SMG6: variants seen among roughly 807,000 people sequenced by gnomAD.
The protein encoded by SMG6 is telomerase-binding protein EST1A.
A neutral mutation model predicts 142.2 loss-of-function variants in SMG6; 66 were observed. The observed-to-expected ratio is 0.46, with a 90% CI of 0.38 to 0.57. The LOEUF is 0.57. Among genes scored for constraint, SMG6 ranks in the 20% least tolerant of loss-of-function variants. The pLI is 0.00. For missense variants in SMG6, 1,793 were observed against 1,832.0 expected (o/e 0.98, Z 0.39); for synonymous variants, 779 against 702.4 (o/e 1.11, Z -1.72).
intron 8 of SMG6, among the ~76,000 whole-genome samples, chr17:2,250,800 C>A (rs1567718240): frequency 6.6e-6 from 1 of 152,072 alleles, no homozygotes; most frequent in African/African-American, 2.4e-5. Context: ...AGTAAAACAG[C>A]CAGGACTTTC....
chr17:2,066,616 T>C (rs2067956736), intron 16 of SMG6, among the ~76,000 whole-genome samples: 1 of 145,432 alleles, frequency 6.9e-6, no homozygotes, highest in Non-Finnish European at 1.5e-5. Flanking sequence ...TGTCTGGGTA[T>C]TCGGAGACAC....
At chr17:2,227,259 A>G (rs1272727203) in intron 10 of SMG6, among the ~76,000 whole-genome samples, 4 of 152,214 alleles carry the variant, frequency 2.6e-5, no homozygotes, top group Admixed American at 2.6e-4. Flanking sequence ...ACGTCCACAA[A>G]ATACTTGCAT....
chr17:2,143,876 G>C (rs1175036431), intron 13 of SMG6, among the ~76,000 whole-genome samples: 1 of 151,942 alleles, frequency 6.6e-6, no homozygotes. Flanking sequence ...AACTGTACTG[G>C]GGTATAACTG....
intron 13 of SMG6, among the ~76,000 whole-genome samples, chr17:2,121,467 G>GA (rs761452351): frequency 4.6e-5 from 7 of 152,054 alleles, no homozygotes; most frequent in African/African-American, 7.2e-5. Flanking sequence ...AATCTTGGTG[G>GA]AAAAAATCAG....
chr17:2,247,017 G>A (rs2073942981), intron 8 of SMG6, among the ~76,000 whole-genome samples: 1 of 152,088 alleles, frequency 6.6e-6, no homozygotes, highest in African/African-American at 2.4e-5. Flanking sequence ...AAAATAAATT[G>A]CCCATGGCTA....
In SMG6 at chr17:2,114,079, C is replaced by T. The variant is rs932465545; in HGVS notation, c.3358-28178G>A. On this transcript the variant is annotated intron_variant, in intron 13 of 18. Coordinates refer to ENST00000263073, the MANE Select transcript of SMG6 (RefSeq NM_017575.5). The stretch of plus-strand genomic sequence containing the variant: ...GGTCAGGAGTTCAAGACCAGCCTGG[C>T]CAACATGGCGAAACCCCGTCTCTAC... Among the ~76,000 whole-genome samples the T allele has an allele frequency of 6.3e-4, 96 of 152,092 alleles. 2 individuals are homozygous for T. Among genetic ancestry groups the T allele is most frequent in the Non-Finnish European group, 1.0e-4 (7 of 68,026 alleles).
At chr17:2,106,464 C>T (rs1277461480) in intron 13 of SMG6, among the ~76,000 whole-genome samples, 2 of 152,088 alleles carry the variant, frequency 1.3e-5, no homozygotes, top group Admixed American at 1.3e-4. Context: ...TACCATTCCT[C>T]GGTGACCTCA....
chr17:2,218,240 G>C (rs139724474), intron 10 of SMG6, among the ~76,000 whole-genome samples: 2 of 151,766 alleles, frequency 1.3e-5, no homozygotes, highest in African/African-American at 4.8e-5. Context: ...CAATTCATTC[G>C]TTAGTAAAAA....
chr17:2,302,870 C>T, intron 1 of SMG6: 1 of 704,446 alleles, frequency 1.4e-6, no homozygotes, highest in Non-Finnish European at 1.7e-6. Context: ...GAGAAAATAG[C>T]CTTAATAATC....
In SMG6 at chr17:2,302,781, G is replaced by T. The variant is rs1213052132; in HGVS notation, c.88+852C>A. Among the ~76,000 whole-genome samples the T allele has an allele frequency of 7.0e-4, 106 of 150,540 alleles. 1 individual carries two copies. Among genetic ancestry groups the T allele is most frequent in the Non-Finnish European group, 5.9e-5 (4 of 67,586 alleles). ...GATAAAGCAGTTTAACCCAAGAATA[G>T]CTCACCCTCGGCAGTCTGTAACTTG... On this transcript the variant is annotated intron_variant, in intron 1 of 18. Coordinates refer to ENST00000263073, the MANE Select transcript of SMG6 (RefSeq NM_017575.5).
intron 13 of SMG6, among the ~76,000 whole-genome samples, chr17:2,138,574 C>T (rs2151566901): frequency 6.6e-6 from 1 of 152,206 alleles, no homozygotes; most frequent in South Asian, 2.1e-4. Flanking sequence ...ATGCTTTAAC[C>T]CTAGCAGCAT....
In SMG6 at chr17:2,277,417, T is replaced by C. The variant is rs1175966585; in HGVS notation, c.2661+5230A>G. ...TCCTGACCTCGTGATCCGCCCGCGT[T>C]GGCCTCCTAAAGAGCTGGGATTACA... On this transcript the variant is annotated intron_variant, in intron 8 of 18. Transcript: ENST00000263073. Among the ~76,000 whole-genome samples the C allele has an allele frequency of 7.2e-5, 11 of 152,046 alleles. No homozygotes were observed. In the East Asian group the frequency reaches 1.4e-3, roughly 19 times the overall value.
chr17:2,076,435 A>T (rs1389875304), intron 15 of SMG6, among the ~76,000 whole-genome samples: 2 of 152,072 alleles, frequency 1.3e-5, no homozygotes, highest in East Asian at 3.9e-4. Flanking sequence ...TTCCCCCCTT[A>T]AATTAAACAA....
At chr17:2,131,769 A>G (rs2070129467) in intron 13 of SMG6, among the ~76,000 whole-genome samples, 1 of 152,232 alleles carries the variant, frequency 6.6e-6, no homozygotes, top group Non-Finnish European at 1.5e-5. Context: ...CAAATCAATA[A>G]AAACCAACCA....
At chr17:2,210,286 CTTT>C (rs772849830) in intron 10 of SMG6, among the ~76,000 whole-genome samples, 1 of 137,268 alleles carries the variant, frequency 7.3e-6, no homozygotes. Context: ...CTTTTCTTTT[CTTT>C]TTTTTTTTTT....
chr17:2,153,882 C>T (rs555820359), intron 13 of SMG6, among the ~76,000 whole-genome samples: 84 of 112,620 alleles, frequency 7.5e-4, no homozygotes, highest in Non-Finnish European at 1.3e-3. Context: ...TGTGCGGTGA[C>T]GGGGGAACCT....
At chr17:2,264,946 C>G (rs1264729349) in intron 8 of SMG6, among the ~76,000 whole-genome samples, 1 of 151,866 alleles carries the variant, frequency 6.6e-6, no homozygotes, top group African/African-American at 2.4e-5. Context: ...TTCCACCCTA[C>G]TGAAAACTCT....
chr17:2,268,364 C>T (rs548927396), intron 8 of SMG6, among the ~76,000 whole-genome samples: 4 of 152,234 alleles, frequency 2.6e-5, no homozygotes, highest in South Asian at 2.1e-4. Flanking sequence ...AATTGTTTTG[C>T]GGGGAGGGTG....
At chr17:2,180,357 C>T (rs986742264) in intron 12 of SMG6, among the ~76,000 whole-genome samples, 1 of 152,218 alleles carries the variant, frequency 6.6e-6, no homozygotes, top group Non-Finnish European at 1.5e-5. Context: ...ATCCTCTATA[C>T]CAATAATCTC....
Sources: gnomAD v4.1 joint callset for allele counts (sites outside exome capture counted in the v4.1 genomes callset) on GRCh38, gnomAD v4.1.1 for gene constraint, MANE v1.5 for transcripts, NCBI Gene and HGNC (gene_info 2026-07-23, HGNC 2026-07-21) for gene names.